GRIK3: variants seen among roughly 807,000 people sequenced by gnomAD.
GRIK3 encodes glutamate receptor ionotropic, kainate 3.
In GRIK3, 29 loss-of-function variants were observed where a neutral mutation model predicts 102.5. That is an observed-to-expected ratio of 0.28 (90% CI 0.21 to 0.39). GRIK3 has a LOEUF of 0.39. GRIK3 is among the 10% of genes least tolerant of loss of function. GRIK3 has a pLI of 1.00. For missense variants in GRIK3, 908 were observed against 1,252.4 expected (o/e 0.73, Z 4.15); for synonymous variants, 511 against 504.9 (o/e 1.01, Z -0.16).
intron 5 of GRIK3, among the ~76,000 whole-genome samples, chr1:36,865,686 G>C (rs1640777261): frequency 6.6e-6 from 1 of 152,236 alleles, no homozygotes; most frequent in African/African-American, 2.4e-5. Context: ...CTCAGATTGT[G>C]TGGGGAGGAA....
intron 1 of GRIK3, among the ~76,000 whole-genome samples, chr1:36,979,504 G>C (rs1236825893): frequency 2.0e-5 from 3 of 152,224 alleles, no homozygotes; most frequent in Non-Finnish European, 4.4e-5. Flanking sequence ...CTTTCCAAGG[G>C]AACTGCCCTA....
chr1:36,934,777 C>A (rs1214451971), intron 1 of GRIK3, among the ~76,000 whole-genome samples: 1 of 152,178 alleles, frequency 6.6e-6, no homozygotes, highest in Non-Finnish European at 1.5e-5. Flanking sequence ...GCATACATCA[C>A]CCAGCAAGAT....
intron 13 of GRIK3, 79 bp downstream of exon 13, chr1:36,816,981 C>T (rs1216279624): frequency 3.1e-6 from 3 of 962,482 alleles, no homozygotes; most frequent in Non-Finnish European, 4.9e-6. Context: ...AGGACAGAGA[C>T]CCCCTTTCCT....
At chr1:36,830,518 G>T (rs1640258854) in intron 10 of GRIK3, among the ~76,000 whole-genome samples, 1 of 152,116 alleles carries the variant, frequency 6.6e-6, no homozygotes, top group Non-Finnish European at 1.5e-5. Flanking sequence ...ATAAGAAGAG[G>T]AAAAGAGGAG....
chr1:36,885,233 CAG>C (rs1291975963), intron 2 of GRIK3, among the ~76,000 whole-genome samples: 1 of 152,096 alleles, frequency 6.6e-6, no homozygotes, highest in Non-Finnish European at 1.5e-5. Context: ...GTGATAATGA[CAG>C]GGGATGACGG....
Position 36,850,165 on chromosome 1 carries a change from T to C in GRIK3, c.1326+146A>G, listed in dbSNP as rs571910124. 5.5e-5 allele frequency: 34 copies of C among 613,454 alleles called. No homozygotes were observed. In the East Asian group the frequency reaches 8.2e-4, roughly 15 times the overall value. The allele number at this position is 613,454 out of a possible 1,614,324, so 38.0% of individuals were successfully genotyped here. ...GCGCTGCTGCGCTCCAGCTGCTCTC[T>C]GAGAACTTCCTGCTGACTCTAAAAG... On this transcript the variant is annotated intron_variant, in intron 9 of 15. Coordinates refer to ENST00000373091, the MANE Select transcript of GRIK3 (RefSeq NM_000831.4). This position sits in a 1 kb window ranked among gnomAD's most constrained non-coding sequence, Gnocchi z 4.0.
At chr1:36,809,095 C>T (rs1189763393) in intron 13 of GRIK3, among the ~76,000 whole-genome samples, 2 of 152,054 alleles carry the variant, frequency 1.3e-5, no homozygotes, top group African/African-American at 4.8e-5. Context: ...GTAGATGAAG[C>T]AATCAGACCT....
chr1:36,877,628 T>G (rs900235609), intron 3 of GRIK3, among the ~76,000 whole-genome samples: 7 of 152,190 alleles, frequency 4.6e-5, no homozygotes, highest in Non-Finnish European at 8.8e-5. Context: ...CTTCCCACCT[T>G]CCATACCTGA....
intron 1 of GRIK3, among the ~76,000 whole-genome samples, chr1:36,942,166 C>G (rs1641727980): frequency 1.3e-5 from 2 of 152,230 alleles, no homozygotes; most frequent in Admixed American, 6.5e-5. Flanking sequence ...AAGCCGAACT[C>G]CACGGCACTA....
chr1:36,955,715 C>T (rs572491932), intron 1 of GRIK3, among the ~76,000 whole-genome samples: 5 of 152,382 alleles, frequency 3.3e-5, no homozygotes, highest in African/African-American at 1.2e-4. Flanking sequence ...CTGGCACATG[C>T]TGTGTAGACA....
intron 2 of GRIK3, among the ~76,000 whole-genome samples, chr1:36,883,181 G>A (rs754395074): frequency 5.3e-5 from 8 of 152,160 alleles, no homozygotes; most frequent in African/African-American, 9.7e-5. Flanking sequence ...CATACCATAC[G>A]GCTAAATAGT....
intron 10 of GRIK3, among the ~76,000 whole-genome samples, chr1:36,838,300 G>T (rs1640404924): frequency 6.6e-6 from 1 of 152,210 alleles, no homozygotes; most frequent in African/African-American, 2.4e-5. Context: ...CTCAGAATTT[G>T]AACCCATTTC....
chr1:36,854,998 C>T lies in GRIK3; in HGVS notation c.1105-1276G>A, dbSNP rs78528731. Reference sequence around the variant, plus strand: ...GTTTCCCTCCTCCAGGAACTTAGGACGGCAGCTGGTGCACAGTTAAATACC... The same window carrying T: ...GTTTCCCTCCTCCAGGAACTTAGGATGGCAGCTGGTGCACAGTTAAATACC... On this transcript the variant is annotated intron_variant, in intron 7 of 15. Coordinates refer to ENST00000373091, the MANE Select transcript of GRIK3 (RefSeq NM_000831.4). Among the ~76,000 whole-genome samples the T allele has an allele frequency of 1.8e-3, 274 of 152,300 alleles. 8 individuals carry two copies. In the East Asian group the frequency reaches 0.047, roughly 26 times the overall value.
chr1:36,911,380 A>G (rs1641344003), intron 1 of GRIK3, among the ~76,000 whole-genome samples: 1 of 152,220 alleles, frequency 6.6e-6, no homozygotes, highest in Non-Finnish European at 1.5e-5. Flanking sequence ...AGATATTAAT[A>G]GTGTTTACAA....
chr1:37,010,017 G>A (rs768502500), intron 1 of GRIK3, among the ~76,000 whole-genome samples: 4 of 152,218 alleles, frequency 2.6e-5, no homozygotes, highest in Non-Finnish European at 4.4e-5. Flanking sequence ...GGGGAGCAGA[G>A]TCTTCAGAGA....
At chr1:37,021,589 C>T (rs1398772828) in intron 1 of GRIK3, among the ~76,000 whole-genome samples, 1 of 152,180 alleles carries the variant, frequency 6.6e-6, no homozygotes, top group African/African-American at 2.4e-5. Context: ...TTTACTGATT[C>T]AATGTTACGA....
intron 2 of GRIK3, 70 bp downstream of exon 2, chr1:36,890,850 T>C (rs1478652518): frequency 1.6e-6 from 2 of 1,286,820 alleles, no homozygotes; most frequent in South Asian, 1.6e-5. Context: ...TCCCAGGATC[T>C]TGGACAGCAA....
rs1642864863 is a variant in GRIK3, at chr1:37,034,370, G to C, written c.-262C>G. The stretch of plus-strand genomic sequence containing the variant: ...CTGGGCTCCGCCCGGACTCCGCTCG[G>C]ACTCGGCTCCGGCTCCGACTCGCGT... On this transcript the variant is annotated 5_prime_UTR_variant, in exon 1 of 16. Coordinates refer to ENST00000373091, the MANE Select transcript of GRIK3 (RefSeq NM_000831.4). Among the ~76,000 whole-genome samples the C allele has an allele frequency of 6.6e-6, 1 of 150,852 alleles. No individual in the cohort carries two copies. Among genetic ancestry groups the C allele is most frequent in the African/African-American group, 2.4e-5 (1 of 41,258 alleles).
At chr1:36,942,708 C>G (rs530467480) in intron 1 of GRIK3, among the ~76,000 whole-genome samples, 6 of 151,498 alleles carry the variant, frequency 4.0e-5, no homozygotes, top group Non-Finnish European at 5.9e-5. Flanking sequence ...AGTCAGGGGC[C>G]AAAACCCACC....
Sources: allele counts gnomAD v4.1 joint callset (sites outside exome capture counted in the v4.1 genomes callset), GRCh38; gene constraint gnomAD v4.1.1; non-coding constraint Gnocchi (gnomAD v3.1); transcripts MANE v1.5; gene names NCBI Gene and HGNC (gene_info 2026-07-23, HGNC 2026-07-21).